The following PAK1 variants were observed in gnomAD, a reference collection of about 807,000 sequenced individuals.
The protein encoded by PAK1 is p21 (RAC1) activated kinase 1.
In PAK1, 29 loss-of-function variants were observed where a neutral mutation model predicts 67.4. The ratio of observed to expected loss-of-function variants is 0.43; its 90% confidence interval spans 0.32 to 0.59. PAK1 has a LOEUF of 0.59. Ranked by LOEUF, PAK1 falls within the 20% of genes least tolerant of loss-of-function variation. PAK1 has a pLI of 0.07. For missense variants in PAK1, 337 were observed against 670.7 expected (o/e 0.50, Z 5.50); for synonymous variants, 223 against 237.4 (o/e 0.94, Z 0.56).
At chr11:77,509,047 G>C in the PAK1 span, among the ~76,000 whole-genome samples, 3 of 148,996 alleles carry the variant, frequency 2.0e-5, no homozygotes, top group Non-Finnish European at 4.5e-5. Flanking sequence ...GAGGCGGGCG[G>C]ATCACAAGGT....
chr11:77,331,737 T>C (rs1011800465), intron 14 of PAK1, among the ~76,000 whole-genome samples: 4 of 151,054 alleles, frequency 2.6e-5, no homozygotes, highest in Non-Finnish European at 4.4e-5. Flanking sequence ...TATACATATG[T>C]AACAAACCTG....
chr11:77,469,788 TACTG>T (rs750137240), intron 1 of PAK1, among the ~76,000 whole-genome samples: 2 of 152,002 alleles, frequency 1.3e-5, no homozygotes, highest in African/African-American at 2.4e-5. Context: ...AGTTTGAATA[TACTG>T]ACTATTAATT....
At chr11:77,383,657 C>G (rs981079338) in intron 2 of PAK1, among the ~76,000 whole-genome samples, 16 of 152,056 alleles carry the variant, frequency 1.1e-4, no homozygotes, top group African/African-American at 3.9e-4. Flanking sequence ...TGAGTATTCA[C>G]CAGTTGGGGA....
Position 77,358,992 on chromosome 11 carries a change from G to T in PAK1, c.503C>A (p.Pro168His), listed in dbSNP as rs149432352. ...ATCTTCTGAAACTGGTGGCACTGCA[G>T]GAGTCTCAGACACAGCCTTCACATT... is the stretch of plus-strand genomic sequence containing the variant. The part of the protein sequence containing the change: ...ALNVKAVSET[P>H]AVPPVSEDED... Residue 168 changes from proline (P) to histidine (H), a missense_variant, in exon 6 of 15, where the codon CCT (proline) becomes CAT (histidine). Pro to His is a moderately conservative substitution (Grantham distance 77). This residue lies in a region of PAK1 where 150 missense variants were observed against 179.0 expected (regional missense o/e 0.84). Transcript: ENST00000356341. 1.1e-5 allele frequency: 18 copies of T among 1,613,168 alleles called. No homozygotes were observed. The African/African-American group carries it at 2.4e-4, about 22-fold the overall frequency.
chr11:77,477,582 C>G (rs201078410), upstream of PAK1, among the ~76,000 whole-genome samples: 1 of 45,294 alleles, frequency 2.2e-5, no homozygotes, highest in Admixed American at 2.4e-4. Context: ...AAAAAAAAAC[C>G]CAAATACAAA....
chr11:77,418,638 T>C (rs1485433645), intron 1 of PAK1, among the ~76,000 whole-genome samples: 1 of 152,254 alleles, frequency 6.6e-6, no homozygotes, highest in African/African-American at 2.4e-5. Flanking sequence ...TTAAATTTCA[T>C]CTTGTTGGCT....
chr11:77,365,540 G>A (rs1183680655), intron 5 of PAK1, among the ~76,000 whole-genome samples: 1 of 151,628 alleles, frequency 6.6e-6, no homozygotes, highest in Non-Finnish European at 1.5e-5. Flanking sequence ...AACACAAAAA[G>A]ATTCACACCT....
the PAK1 span, among the ~76,000 whole-genome samples, chr11:77,492,573 G>A: frequency 2.7e-5 from 4 of 145,472 alleles, no homozygotes; most frequent in East Asian, 2.0e-4. Flanking sequence ...TAAAGACAAG[G>A]TCTCATTCTG....
intron 7 of PAK1, among the ~76,000 whole-genome samples, chr11:77,353,934 C>G (rs1272518653): frequency 1.3e-5 from 2 of 152,082 alleles, no homozygotes; most frequent in Non-Finnish European, 2.9e-5. Context: ...TCAAGGCAGT[C>G]CCTGCTCTCA....
At chr11:77,526,274 T>G in the PAK1 span, among the ~76,000 whole-genome samples, 144 of 152,300 alleles carry the variant, frequency 9.5e-4, no homozygotes, top group African/African-American at 3.2e-3. Flanking sequence ...TAGAAATGTA[T>G]GGAAAATTGA....
At chr11:77,475,494 C>T (rs1376993162), upstream of PAK1, 1 of 152,204 alleles carries the variant, frequency 6.6e-6, no homozygotes, top group African/African-American at 2.4e-5. Flanking sequence ...ACTTTATTAC[C>T]TGACTGCTTA....
chr11:77,520,620 G>T, the PAK1 span, among the ~76,000 whole-genome samples: 1 of 152,174 alleles, frequency 6.6e-6, no homozygotes, highest in Non-Finnish European at 1.5e-5. Flanking sequence ...ATGCAGTTTG[G>T]AGGATGCATC....
At chr11:77,474,331 T>A (rs888104796), upstream of PAK1, 2 of 151,794 alleles carry the variant, frequency 1.3e-5, no homozygotes, top group African/African-American at 4.8e-5. Flanking sequence ...CTGGCCCGCA[T>A]GAGGGCGAAC....
At chr11:77,418,547 A>G (rs929185725) in intron 1 of PAK1, among the ~76,000 whole-genome samples, 1 of 152,234 alleles carries the variant, frequency 6.6e-6, no homozygotes, top group African/African-American at 2.4e-5. Flanking sequence ...TAAGAATAGC[A>G]TCATGCTAAG....
At chr11:77,419,465 T>C (rs1203915665) in intron 1 of PAK1, among the ~76,000 whole-genome samples, 1 of 152,222 alleles carries the variant, frequency 6.6e-6, no homozygotes, top group East Asian at 1.9e-4. Context: ...AAGTCACTTA[T>C]CTCTCCTCTG....
At chr11:77,506,190 C>T in the PAK1 span, among the ~76,000 whole-genome samples, 8 of 152,314 alleles carry the variant, frequency 5.3e-5, no homozygotes, top group East Asian at 1.4e-3. Flanking sequence ...AACATTACAG[C>T]AACCCTGTAA....
intron 6 of PAK1, 140 bp from the exon 7 acceptor site, chr11:77,355,982 C>T (rs966485597): frequency 1.6e-6 from 1 of 611,870 alleles, no homozygotes; most frequent in Non-Finnish European, 2.9e-6. Flanking sequence ...TATATTACTC[C>T]TCCTCTGTGC....
intron 1 of PAK1, among the ~76,000 whole-genome samples, chr11:77,405,796 T>C (rs1038233428): frequency 1.3e-5 from 2 of 152,000 alleles, no homozygotes; most frequent in Non-Finnish European, 2.9e-5. Flanking sequence ...CAGAACTGTC[T>C]ACTTAAACTA....
rs1938781720 is a variant in PAK1 at position 77,323,170 on chromosome 11, G to A, written c.*104C>T. The stretch of plus-strand genomic sequence containing the variant: ...TTGAGGAGTGCTAGATCAGGAAATG[G>A]GAGAAGCAAGGCAAGGAGAAGAGGG... On this transcript the variant is annotated 3_prime_UTR_variant, in exon 15 of 15. Transcript: ENST00000356341. 1 of 1,566,386 alleles carries A rather than the reference G, an allele frequency of 6.4e-7. No individual in the cohort carries two copies. Among genetic ancestry groups the A allele is most frequent in the African/African-American group, 1.4e-5 (1 of 73,688 alleles).
Sources: allele counts gnomAD v4.1 joint callset (sites outside exome capture counted in the v4.1 genomes callset), GRCh38; gene constraint gnomAD v4.1.1; regional missense constraint gnomAD v4.1.1; transcripts MANE v1.5; gene names NCBI Gene and HGNC (gene_info 2026-07-23, HGNC 2026-07-21).